The following TAS2R1 variants were observed in gnomAD, a reference collection of about 807,000 sequenced individuals.
TAS2R1 encodes the protein taste receptor type 2 member 1.
For missense variants in TAS2R1, 370 were observed against 353.4 expected (o/e 1.05, Z -0.38); for synonymous variants, 141 against 134.2 (o/e 1.05, Z -0.35).
At chr5:9,756,550 C>T in the TAS2R1 span, among the ~76,000 whole-genome samples, 3 of 152,156 alleles carry the variant, frequency 2.0e-5, no homozygotes, top group Admixed American at 2.0e-4. Context: ...TCCCATGGGG[C>T]TCTTGCAATA....
chr5:9,700,654 G>A (rs1287132339), intron 1 of TAS2R1, among the ~76,000 whole-genome samples: 1 of 152,114 alleles, frequency 6.6e-6, no homozygotes, highest in Non-Finnish European at 1.5e-5. Flanking sequence ...TTAAATTACA[G>A]CATTTTGTTT....
At chr5:9,876,218 G>C in the TAS2R1 span, among the ~76,000 whole-genome samples, 1 of 151,156 alleles carries the variant, frequency 6.6e-6, no homozygotes. Context: ...AAATGGAGGA[G>C]GAAAGGACGA....
At chr5:9,801,887 G>T in the TAS2R1 span, among the ~76,000 whole-genome samples, 2 of 152,092 alleles carry the variant, frequency 1.3e-5, no homozygotes, top group African/African-American at 4.8e-5. Context: ...GCCCTGCCTG[G>T]GGAGAGTCTG....
the TAS2R1 span, among the ~76,000 whole-genome samples, chr5:9,870,562 T>G: frequency 6.6e-6 from 1 of 152,312 alleles, no homozygotes; most frequent in Admixed American, 6.5e-5. Context: ...TACATTAGGC[T>G]AGACACTGGG....
At chr5:9,654,281 T>G (rs7720324) in intron 2 of TAS2R1, among the ~76,000 whole-genome samples, 24,454 of 152,020 alleles carry the variant, frequency 0.16, 1,964 homozygotes, top group South Asian at 0.19. Flanking sequence ...ATAATAATAA[T>G]AAGAAGAAGA....
At chr5:9,827,641 G>A in the TAS2R1 span, among the ~76,000 whole-genome samples, 144 of 150,330 alleles carry the variant, frequency 9.6e-4, no homozygotes, top group African/African-American at 3.4e-3. Flanking sequence ...CACATATCCA[G>A]GTGTTGTGGC....
At chr5:9,871,682 A>T in the TAS2R1 span, among the ~76,000 whole-genome samples, 1 of 152,238 alleles carries the variant, frequency 6.6e-6, no homozygotes, top group Non-Finnish European at 1.5e-5. Flanking sequence ...AAATTATCTC[A>T]TCTGTCCAAA....
upstream of TAS2R1, among the ~76,000 whole-genome samples, chr5:9,716,683 T>C (rs999920477): frequency 2.0e-5 from 3 of 152,142 alleles, no homozygotes; most frequent in African/African-American, 7.2e-5. Context: ...GGGTACAGAA[T>C]TCCTCATAAG....
intron 1 of TAS2R1, among the ~76,000 whole-genome samples, chr5:9,661,659 TGAG>T (rs1474549149): frequency 6.6e-6 from 1 of 152,182 alleles, no homozygotes; most frequent in African/African-American, 2.4e-5. Context: ...TTGATACAAA[TGAG>T]GAGAATTTCA....
chr5:9,810,418 A>T, the TAS2R1 span, among the ~76,000 whole-genome samples: 2 of 152,312 alleles, frequency 1.3e-5, no homozygotes, highest in East Asian at 3.9e-4. Flanking sequence ...TTTGTGCTGT[A>T]TGAGACAGAT....
At chr5:9,856,377 T>C in the TAS2R1 span, among the ~76,000 whole-genome samples, 1 of 152,056 alleles carries the variant, frequency 6.6e-6, no homozygotes, top group South Asian at 2.1e-4. Flanking sequence ...CTCCTTATAT[T>C]AAGCAAGGGG....
chr5:9,889,892 A>C, the TAS2R1 span: 2 of 152,252 alleles, frequency 1.3e-5, no homozygotes, highest in African/African-American at 4.8e-5. Flanking sequence ...AGCTGGGAGA[A>C]AGACCAGGCT....
At chr5:9,900,655 C>T in the TAS2R1 span, among the ~76,000 whole-genome samples, 1 of 131,460 alleles carries the variant, frequency 7.6e-6, no homozygotes. Context: ...GAGTCTGGCT[C>T]TGTCGCCCAG....
At chr5:9,785,284 G>A in the TAS2R1 span, among the ~76,000 whole-genome samples, 1 of 152,130 alleles carries the variant, frequency 6.6e-6, no homozygotes, top group Non-Finnish European at 1.5e-5. Context: ...CTTCAGGGGA[G>A]GTTTTTGTCA....
At chr5:9,845,290 C>T in the TAS2R1 span, among the ~76,000 whole-genome samples, 5 of 152,230 alleles carry the variant, frequency 3.3e-5, no homozygotes, top group South Asian at 4.1e-4. Context: ...AGCAGATCTT[C>T]GTGGGTATTA....
chr5:9,765,495 CAA>C, the TAS2R1 span: 177 of 140,108 alleles, frequency 1.3e-3, no homozygotes, highest in African/African-American at 3.2e-3. Context: ...GTGATCTGTT[CAA>C]AAAAAAAAAA....
chr5:9,651,768 C>T (rs1740310057), intron 2 of TAS2R1, among the ~76,000 whole-genome samples: 5 of 151,934 alleles, frequency 3.3e-5, no homozygotes, highest in Admixed American at 2.0e-4. Context: ...TTATGACTCA[C>T]CAAAGCTCTG....
chr5:9,824,210 A>G, the TAS2R1 span, among the ~76,000 whole-genome samples: 90 of 152,328 alleles, frequency 5.9e-4, no homozygotes, highest in African/African-American at 1.9e-3. Flanking sequence ...CCACACCTAT[A>G]AAACTGACAG....
chr5:9,868,718 T>C, the TAS2R1 span, among the ~76,000 whole-genome samples: 1 of 152,234 alleles, frequency 6.6e-6, no homozygotes, highest in Admixed American at 6.5e-5. Flanking sequence ...GGGGTTTTCT[T>C]TTCTATTGCA....
Sources: gnomAD v4.1 joint callset for allele counts (sites outside exome capture counted in the v4.1 genomes callset) on GRCh38, gnomAD v4.1.1 for gene constraint, MANE v1.5 for transcripts, NCBI Gene and HGNC (gene_info 2026-07-23, HGNC 2026-07-21) for gene names.